RAB38: variants seen among roughly 807,000 people sequenced by gnomAD.
The protein encoded by RAB38 is RAB38, member RAS oncogene family.
In RAB38, 15 loss-of-function variants were observed where a neutral mutation model predicts 18.4. That is an observed-to-expected ratio of 0.82 (90% CI 0.55 to 1.26). The LOEUF is 1.26. Ranked by LOEUF, RAB38 falls within the 50% of genes most tolerant of loss-of-function variation. The pLI is 0.00. For missense variants in RAB38, 294 were observed against 267.4 expected (o/e 1.10, Z -0.69); for synonymous variants, 101 against 104.4 (o/e 0.97, Z 0.20).
chr11:87,823,791 T>C, the RAB38 span, among the ~76,000 whole-genome samples: 1 of 152,108 alleles, frequency 6.6e-6, no homozygotes, highest in Non-Finnish European at 1.5e-5. Flanking sequence ...GATATGTTCA[T>C]ACAATGGAAT....
intron 2 of RAB38, among the ~76,000 whole-genome samples, chr11:88,139,920 T>G (rs1468190116): frequency 6.6e-6 from 1 of 152,152 alleles, no homozygotes; most frequent in Non-Finnish European, 1.5e-5. Flanking sequence ...AAAAGACAAA[T>G]TTGACAGCCA....
At chr11:87,859,989 G>T in the RAB38 span, among the ~76,000 whole-genome samples, 219 of 152,092 alleles carry the variant, frequency 1.4e-3, no homozygotes, top group African/African-American at 4.7e-3. Context: ...ATGTGTCTGT[G>T]GTATAGAATA....
chr11:87,817,808 A>C, the RAB38 span, among the ~76,000 whole-genome samples: 6,722 of 152,252 alleles, frequency 0.044, 176 homozygotes, highest in African/African-American at 0.073. Flanking sequence ...GTCATTCCAC[A>C]CAAGAGGAAA....
At chr11:87,880,292 G>A in the RAB38 span, among the ~76,000 whole-genome samples, 2 of 151,714 alleles carry the variant, frequency 1.3e-5, no homozygotes, top group Non-Finnish European at 2.9e-5. Context: ...GACTGCAAAT[G>A]GAATATGGGT....
the RAB38 span, among the ~76,000 whole-genome samples, chr11:87,894,155 G>A: frequency 6.6e-6 from 1 of 151,636 alleles, no homozygotes; most frequent in Non-Finnish European, 1.5e-5. Context: ...TCATTCCTAA[G>A]TATTTTATCC....
chr11:88,139,184 A>G (rs532263276), intron 2 of RAB38, among the ~76,000 whole-genome samples: 2 of 152,264 alleles, frequency 1.3e-5, no homozygotes, highest in East Asian at 1.9e-4. Flanking sequence ...TCTTGATTAG[A>G]TATCTTAGAA....
the RAB38 span, among the ~76,000 whole-genome samples, chr11:88,067,983 T>A: frequency 6.8e-6 from 1 of 146,766 alleles, no homozygotes; most frequent in Non-Finnish European, 1.5e-5. Context: ...ATATATATAC[T>A]TATATATATA....
chr11:88,053,383 TAC>T, the RAB38 span, among the ~76,000 whole-genome samples: 7 of 46,568 alleles, frequency 1.5e-4, 1 homozygote, highest in East Asian at 4.1e-4. Flanking sequence ...TATATATATA[TAC>T]ACACACATAT....
At chr11:87,827,115 C>A in the RAB38 span, among the ~76,000 whole-genome samples, 1 of 152,040 alleles carries the variant, frequency 6.6e-6, no homozygotes, top group Admixed American at 6.6e-5. Flanking sequence ...ACAGGGACAT[C>A]CATACCAGTG....
intron 1 of RAB38, among the ~76,000 whole-genome samples, chr11:88,174,751 G>A (rs1163003905): frequency 6.6e-6 from 1 of 152,184 alleles, no homozygotes; most frequent in Non-Finnish European, 1.5e-5. Context: ...CAGCTAGCCT[G>A]GAACTATCCC....
the RAB38 span, among the ~76,000 whole-genome samples, chr11:87,840,714 T>C: frequency 6.6e-6 from 1 of 152,220 alleles, no homozygotes. Flanking sequence ...AAAAGTAATG[T>C]AAAATTACTG....
the RAB38 span, among the ~76,000 whole-genome samples, chr11:88,023,361 C>CA: frequency 0.042 from 5,893 of 141,942 alleles, 206 homozygotes; most frequent in Admixed American, 0.094. Context: ...AAGCTCTCTA[C>CA]AAAAAAAAAA....
downstream of RAB38, among the ~76,000 whole-genome samples, chr11:88,108,314 G>A (rs1194944916): frequency 6.6e-6 from 1 of 152,142 alleles, no homozygotes; most frequent in African/African-American, 2.4e-5. Context: ...TGTATTGGAT[G>A]CATATATATT....
the RAB38 span, among the ~76,000 whole-genome samples, chr11:88,051,194 A>T: frequency 6.6e-6 from 1 of 152,224 alleles, no homozygotes; most frequent in South Asian, 2.1e-4. Flanking sequence ...CCTGCAATGG[A>T]GTAGGATAAC....
At chr11:87,832,990 C>G in the RAB38 span, among the ~76,000 whole-genome samples, 1 of 152,148 alleles carries the variant, frequency 6.6e-6, no homozygotes, top group Non-Finnish European at 1.5e-5. Context: ...CAGCCCCAAA[C>G]CAGTCTTTCA....
the RAB38 span, among the ~76,000 whole-genome samples, chr11:87,894,788 C>CATAT: frequency 6.7e-6 from 1 of 149,226 alleles, no homozygotes; most frequent in South Asian, 2.1e-4. Context: ...CATTATATAT[C>CATAT]ATATATATAT....
chr11:87,851,820 G>A, the RAB38 span, among the ~76,000 whole-genome samples: 1 of 152,116 alleles, frequency 6.6e-6, no homozygotes, highest in Non-Finnish European at 1.5e-5. Context: ...AAGTACCCTT[G>A]TAGGGGAGAA....
At chr11:87,862,374 G>A in the RAB38 span, among the ~76,000 whole-genome samples, 2 of 151,952 alleles carry the variant, frequency 1.3e-5, no homozygotes, top group Non-Finnish European at 2.9e-5. Context: ...ATGGATGGGG[G>A]TGGAGGCCGT....
At chr11:88,145,617 A>G (rs1942975913) in intron 2 of RAB38, among the ~76,000 whole-genome samples, 1 of 152,152 alleles carries the variant, frequency 6.6e-6, no homozygotes, top group Admixed American at 6.5e-5. Flanking sequence ...TGGGCCCTGA[A>G]GATATACTAA....
Sources: gnomAD v4.1 joint callset for allele counts (sites outside exome capture counted in the v4.1 genomes callset) on GRCh38, gnomAD v4.1.1 for gene constraint, MANE v1.5 for transcripts, NCBI Gene and HGNC (gene_info 2026-07-23, HGNC 2026-07-21) for gene names.